The following UBE2V1 variants were observed in gnomAD, a reference collection of about 807,000 sequenced individuals.
UBE2V1 encodes ubiquitin conjugating enzyme E2 V1.
In UBE2V1, 15 loss-of-function variants were observed where a neutral mutation model predicts 19.6. That is an observed-to-expected ratio of 0.77 (90% CI 0.51 to 1.18). The LOEUF (loss-of-function observed/expected upper bound fraction) is 1.18, where lower values mean the gene tolerates loss of function less well. Among genes scored for constraint, UBE2V1 ranks in the 50% most tolerant of loss-of-function variants. The pLI is 0.00. For missense variants in UBE2V1, 125 were observed against 184.8 expected (o/e 0.68, Z 1.88); for synonymous variants, 60 against 60.7 (o/e 0.99, Z 0.05).
At chr20:50,092,495 GGCCAGGGAT>G (rs2079301221) in intron 2 of UBE2V1, among the ~76,000 whole-genome samples, 1 of 152,096 alleles carries the variant, frequency 6.6e-6, no homozygotes, top group South Asian at 2.1e-4. Context: ...AGTGAGTAGA[GGCCAGGGAT>G]GCTGCTAAAC....
rs57532245 is a variant in UBE2V1, at chr20:50,106,874, C to CAA, written c.22+6231_22+6232dup. Among the ~76,000 whole-genome samples the CAA allele has an allele frequency of 1.4e-3, 171 of 124,684 alleles. 1 individual carries two copies. Among genetic ancestry groups the CAA allele is most frequent in the African/African-American group, 4.0e-3 (128 of 31,660 alleles). The allele number at this position is 124,684 out of a possible 152,430, so 81.8% of individuals were successfully genotyped here. A position where few individuals can be genotyped will look rare whatever the true frequency, so the allele number is the denominator to read the frequency against. On this transcript the variant is annotated intron_variant, in intron 1 of 3. Transcript: ENST00000371674. The stretch of plus-strand genomic sequence containing the variant: ...ACAACAACAACAACAACAACAACAA[C>CAA]AAAAAAAAAAAAACAAAAAAAAGGT...
At chr20:50,092,623 T>C (rs1398377830) in intron 2 of UBE2V1, among the ~76,000 whole-genome samples, 1 of 152,234 alleles carries the variant, frequency 6.6e-6, no homozygotes, top group East Asian at 1.9e-4. Context: ...TTAGTACTTC[T>C]GTGGTCAAAG....
chr20:50,106,449 A>G (rs772835149), intron 1 of UBE2V1, among the ~76,000 whole-genome samples: 2 of 152,220 alleles, frequency 1.3e-5, no homozygotes, highest in Non-Finnish European at 2.9e-5. Context: ...AAGTCGTTTA[A>G]AACATCTTTT....
intron 1 of UBE2V1, chr20:50,099,110 T>C (rs1218870300): frequency 3.4e-6 from 1 of 294,902 alleles, no homozygotes. Flanking sequence ...TTACTACTGG[T>C]TAATTTACAA....
intron 1 of UBE2V1, among the ~76,000 whole-genome samples, chr20:50,102,539 T>C (rs898850446): frequency 6.6e-5 from 10 of 152,126 alleles, no homozygotes; most frequent in African/African-American, 2.2e-4. Context: ...ACCTCCCACA[T>C]GCGCTACCAT....
chr20:50,101,416 C>CTTTT (rs11474905), intron 1 of UBE2V1, among the ~76,000 whole-genome samples: 7 of 126,316 alleles, frequency 5.5e-5, no homozygotes, highest in Non-Finnish European at 1.1e-4. Context: ...CCTCAAAGAA[C>CTTTT]TTTTTTTTTT....
At chr20:50,107,452 G>A (rs926733360) in intron 1 of UBE2V1, among the ~76,000 whole-genome samples, 5 of 152,214 alleles carry the variant, frequency 3.3e-5, no homozygotes, top group Non-Finnish European at 5.9e-5. Flanking sequence ...TAGGGTCAGT[G>A]ACCAAGACCA....
chr20:50,111,422 G>A lies in UBE2V1; in HGVS notation c.22+1685C>T, dbSNP rs957707216. ...TTGCTGGCTACCACCAGCACACTGG[G>A]CCCCTTCGTTTATTACGACCCGGTA... is the stretch of plus-strand genomic sequence containing the variant. On this transcript the variant is annotated intron_variant, in intron 1 of 3. Coordinates refer to ENST00000371674, the MANE Select transcript of UBE2V1 (RefSeq NM_001032288.3). The A allele has an allele frequency of 6.0e-6, 6 of 1,000,174 alleles. No homozygotes were observed. In the African/African-American group the frequency reaches 1.0e-4, roughly 17 times the overall value. 62.0% of individuals were successfully genotyped at this position (1,000,174 alleles called of 1,614,324 possible).
rs2080886133 is a variant in UBE2V1 at position 50,113,142 on chromosome 20, T to G, written c.-14A>C. On this transcript the variant is annotated 5_prime_UTR_variant, in exon 1 of 4. Coordinates refer to ENST00000371674, the MANE Select transcript of UBE2V1 (RefSeq NM_001032288.3). ...GGTGGCTGCCATCTTGCGTCGCTCT[T>G]GCTTGAAGGCCGGCCCCTTCTTCAC... 1 of 1,343,052 alleles carries G rather than the reference T, an allele frequency of 7.4e-7. No individual in the cohort carries two copies. The highest frequency in any genetic ancestry group is 9.7e-7 in the Non-Finnish European group (1 of 1,033,416). The allele number at this position is 1,343,052 out of a possible 1,614,324, so 83.2% of individuals were successfully genotyped here.
At chr20:50,096,618 G>C in intron 2 of UBE2V1, 54 bp downstream of exon 2, 3 of 1,608,058 alleles carry the variant, frequency 1.9e-6, no homozygotes, top group Non-Finnish European at 2.5e-6. Context: ...TTTTTTAAAA[G>C]GAGGCACAGT....
rs1363988460 is a variant in UBE2V1, at chr20:50,082,750, T to C, written c.*18A>G. On this transcript the variant is annotated 3_prime_UTR_variant, in exon 4 of 4. Transcript: ENST00000371674. ...CGAATTGGGGGGAAGGGGAAGGGCC[T>C]GTGGTTTTTCTTTTTGATTAATTGC... is the stretch of plus-strand genomic sequence containing the variant. The C allele has an allele frequency of 1.8e-5, 29 of 1,606,816 alleles. No homozygotes were observed. The highest frequency in any genetic ancestry group is 2.3e-5 in the Non-Finnish European group (27 of 1,179,372).
At chr20:50,113,912 G>T (rs1264377025), upstream of UBE2V1, among the ~76,000 whole-genome samples, 1 of 152,198 alleles carries the variant, frequency 6.6e-6, no homozygotes, top group African/African-American at 2.4e-5. Flanking sequence ...TGCTTTCAGG[G>T]ACTTACATTC....
intron 1 of UBE2V1, among the ~76,000 whole-genome samples, chr20:50,098,377 T>C (rs1488001591): frequency 1.3e-5 from 2 of 152,176 alleles, no homozygotes; most frequent in Admixed American, 6.5e-5. Context: ...TTGTTTTTAA[T>C]AGGATCCCTC....
chr20:50,083,380 C>A (rs2078729699), intron 3 of UBE2V1, among the ~76,000 whole-genome samples: 1 of 152,220 alleles, frequency 6.6e-6, no homozygotes, highest in Admixed American at 6.5e-5. Flanking sequence ...GGCAGCATTT[C>A]CCAAAATAAA....
intron 1 of UBE2V1, among the ~76,000 whole-genome samples, chr20:50,109,281 A>G (rs2080588079): frequency 1.3e-5 from 2 of 152,190 alleles, no homozygotes; most frequent in Admixed American, 6.5e-5. Flanking sequence ...TCCTGACTTC[A>G]TATTTTGTAT....
upstream of UBE2V1, among the ~76,000 whole-genome samples, chr20:50,114,348 C>G (rs1034593899): frequency 6.6e-6 from 1 of 152,146 alleles, no homozygotes; most frequent in African/African-American, 2.4e-5. Context: ...TCTCTCCACT[C>G]CGTTCACTTC....
At chr20:50,109,484 CTT>C (rs966818690) in intron 1 of UBE2V1, among the ~76,000 whole-genome samples, 2 of 152,136 alleles carry the variant, frequency 1.3e-5, no homozygotes, top group African/African-American at 4.8e-5. Context: ...GGCACGGTGA[CTT>C]ACGCCTGTAA....
At chr20:50,087,445 C>T (rs990687242) in intron 2 of UBE2V1, among the ~76,000 whole-genome samples, 3 of 149,370 alleles carry the variant, frequency 2.0e-5, no homozygotes, top group Non-Finnish European at 3.0e-5. Context: ...ACCAGGGTTA[C>T]AGGGTTTCTG....
chr20:50,090,840 C>T (rs984143284), intron 2 of UBE2V1, among the ~76,000 whole-genome samples: 1 of 152,108 alleles, frequency 6.6e-6, no homozygotes, highest in African/African-American at 2.4e-5. Context: ...GTGATGGATG[C>T]GTTGATTAAT....
Sources: gnomAD v4.1 joint callset for allele counts (sites outside exome capture counted in the v4.1 genomes callset) on GRCh38, gnomAD v4.1.1 for gene constraint, MANE v1.5 for transcripts, NCBI Gene and HGNC (gene_info 2026-07-23, HGNC 2026-07-21) for gene names.